The following DLC1 variants were observed in gnomAD, a reference collection of about 807,000 sequenced individuals.
DLC1 encodes the protein rho GTPase-activating protein 7.
DLC1 carries 54 observed loss-of-function variants against 140.3 expected under a neutral mutation model. That is an observed-to-expected ratio of 0.38 (90% confidence interval 0.31 to 0.48). The LOEUF (loss-of-function observed/expected upper bound fraction) is 0.48. DLC1 is among the 20% of genes least tolerant of loss of function. The pLI is 0.96. For missense variants in DLC1, 2,536 were observed against 1,907.0 expected (o/e 1.33, Z -6.14); for synonymous variants, 986 against 728.1 (o/e 1.35, Z -5.70).
Position 13,188,113 on chromosome 8 carries a change from T to C in DLC1, c.1349-72456A>G, listed in dbSNP as rs184402563. On this transcript the variant is annotated intron_variant, in intron 5 of 17. Transcript: ENST00000276297. ...TTTTTTTTTTTTTGAGACAGAGTCT[T>C]GCTCTTGTTGCGCAGGCTGGAGTGC... Among the ~76,000 whole-genome samples the C allele has an allele frequency of 5.5e-3, 775 of 140,714 alleles. 13 individuals carry two copies. Among genetic ancestry groups the C allele is most frequent in the African/African-American group, 0.019 (721 of 37,174 alleles). The allele number at this position is 140,714 out of a possible 152,430, so 92.3% of individuals were successfully genotyped here.
intron 5 of DLC1, among the ~76,000 whole-genome samples, chr8:13,283,548 C>G (rs1234819954): frequency 6.6e-6 from 1 of 152,112 alleles, no homozygotes; most frequent in African/African-American, 2.4e-5. Context: ...CAAGATCTCA[C>G]TCTGTTGCCC....
In DLC1 at chr8:13,100,034, C is replaced by G; in HGVS notation, c.2303G>C (p.Cys768Ser). 4.3e-6 allele frequency: 7 copies of G among 1,613,010 alleles called. No individual in the cohort carries two copies. Among genetic ancestry groups the G allele is most frequent in the Non-Finnish European group, 5.9e-6 (7 of 1,180,038 alleles). ...TAAGTACATGCCCACCCGCTTGTTG[C>G]ACGCACTGAGGCTCCGGGTCCTCGT... The part of the protein sequence containing the change: ...PVTRTRSLSA[C>S]NKRVGMYLEG... Residue 768 changes from cysteine (C) to serine (S), a missense_variant, in exon 9 of 18, where the codon TGC becomes TCC. Transcript: ENST00000276297.
At chr8:13,108,827 A>T (rs1292858103) in intron 7 of DLC1, among the ~76,000 whole-genome samples, 1 of 152,238 alleles carries the variant, frequency 6.6e-6, no homozygotes, top group Non-Finnish European at 1.5e-5. Flanking sequence ...AAACATTAAA[A>T]AAATGTCTGG....
At chr8:13,453,189 A>G (rs1456207334) in intron 2 of DLC1, among the ~76,000 whole-genome samples, 1 of 149,588 alleles carries the variant, frequency 6.7e-6, no homozygotes, top group Non-Finnish European at 1.5e-5. Flanking sequence ...AAATTCTAAA[A>G]ATATATATTT....
chr8:13,480,818 C>T (rs7387752), intron 2 of DLC1, among the ~76,000 whole-genome samples: 108,063 of 151,996 alleles, frequency 0.71, 40,811 homozygotes, highest in Middle Eastern at 0.87. Flanking sequence ...GCAGGAGAAT[C>T]GCTTGAGCTT....
At position 13,575,441 on chromosome 8, in the gene DLC1, G is replaced by A. The variant is rs527992084; in HGVS notation, c.-126+29096C>T. On this transcript the variant is annotated intron_variant, in intron 1 of 1. Coordinates refer to the DLC1 transcript ENST00000631382. ...GGCTTTTATTATAATTAGGGGGTGG[G>A]GCCGAGGGGAGGATTCCCACATCTG... Among the ~76,000 whole-genome samples the A allele has an allele frequency of 2.0e-5, 3 of 152,092 alleles. No homozygotes were observed. In the South Asian group the frequency reaches 6.2e-4, roughly 32 times the overall value.
At chr8:13,198,456 A>G (rs1361680086) in intron 5 of DLC1, among the ~76,000 whole-genome samples, 2 of 152,210 alleles carry the variant, frequency 1.3e-5, no homozygotes, top group African/African-American at 2.4e-5. Flanking sequence ...TTCCCGAGTG[A>G]AAGAATGTTT....
intron 2 of DLC1, among the ~76,000 whole-genome samples, chr8:13,416,294 G>T (rs1157223604): frequency 6.6e-6 from 1 of 152,110 alleles, no homozygotes; most frequent in African/African-American, 2.4e-5. Context: ...TGAGTTAAAA[G>T]TATCACCAAT....
intron 1 of DLC1, among the ~76,000 whole-genome samples, chr8:13,513,141 C>T (rs1585230660): frequency 6.6e-6 from 1 of 151,996 alleles, no homozygotes; most frequent in East Asian, 1.9e-4. Flanking sequence ...GTCCTCTCTT[C>T]TATTAGCTAG....
At chr8:13,383,094 T>C (rs1376393928) in intron 4 of DLC1, among the ~76,000 whole-genome samples, 2 of 152,056 alleles carry the variant, frequency 1.3e-5, no homozygotes, top group Non-Finnish European at 2.9e-5. Context: ...AGATGAGAAA[T>C]CATCTCACTT....
At chr8:13,158,021 C>T (rs1200961359) in intron 5 of DLC1, among the ~76,000 whole-genome samples, 1 of 152,204 alleles carries the variant, frequency 6.6e-6, no homozygotes, top group Non-Finnish European at 1.5e-5. Context: ...GGAACTTGTG[C>T]ATACAAACCA....
intron 5 of DLC1, among the ~76,000 whole-genome samples, chr8:13,216,744 T>C (rs1011567338): frequency 1.3e-5 from 2 of 152,164 alleles, no homozygotes; most frequent in Non-Finnish European, 2.9e-5. Context: ...TCCTGTGCAT[T>C]ATAGGACATT....
Position 13,100,787 on chromosome 8 carries a change from G to T in DLC1, c.1567-17C>A. On this transcript the variant is annotated splice_polypyrimidine_tract_variant and intron_variant, in intron 8 of 17. Transcript: ENST00000276297. ...ATCGTCACTCTGCAAAGACAGAAAGGAGCCATTCACACACTGGGGCTGGCA... is the reference window on the plus strand; with the variant it reads ...ATCGTCACTCTGCAAAGACAGAAAGTAGCCATTCACACACTGGGGCTGGCA... 6.5e-7 allele frequency: 1 copy of T among 1,543,598 alleles called. No individual in the cohort carries two copies. Among genetic ancestry groups the T allele is most frequent in the South Asian group, 1.3e-5 (1 of 78,450 alleles).
chr8:13,088,980 C>T (rs987714001), intron 15 of DLC1, among the ~76,000 whole-genome samples: 5 of 152,016 alleles, frequency 3.3e-5, no homozygotes, highest in African/African-American at 4.8e-5. Flanking sequence ...ACATTTGAGC[C>T]GGGTGCAGTG....
chr8:13,512,479 C>T (rs1168236342), intron 1 of DLC1, among the ~76,000 whole-genome samples: 1 of 152,106 alleles, frequency 6.6e-6, no homozygotes, highest in Non-Finnish European at 1.5e-5. Context: ...AATTAAATGA[C>T]TTTGTAGAAG....
intron 1 of DLC1, among the ~76,000 whole-genome samples, chr8:13,534,377 C>A (rs781693302): frequency 6.6e-6 from 1 of 152,118 alleles, no homozygotes; most frequent in Non-Finnish European, 1.5e-5. Flanking sequence ...TACACACACA[C>A]CCCTCGCTAA....
intron 4 of DLC1, among the ~76,000 whole-genome samples, chr8:13,309,638 T>G (rs1048271366): frequency 1.3e-5 from 2 of 152,286 alleles, no homozygotes; most frequent in South Asian, 2.1e-4. Context: ...GAAATGCTGA[T>G]TTTGACATGC....
intron 4 of DLC1, among the ~76,000 whole-genome samples, chr8:13,307,081 C>CAAA (rs34372620): frequency 8.0e-4 from 56 of 70,152 alleles, no homozygotes; most frequent in South Asian, 4.5e-3. Flanking sequence ...GAGACTCTGT[C>CAAA]AAAAAAAAAA....
chr8:13,121,515 C>T (rs2128955529), intron 5 of DLC1, among the ~76,000 whole-genome samples: 1 of 152,182 alleles, frequency 6.6e-6, no homozygotes, highest in South Asian at 2.1e-4. Context: ...GACTCCCAGC[C>T]CTGGATGTAG....
Sources: allele counts gnomAD v4.1 joint callset (sites outside exome capture counted in the v4.1 genomes callset), GRCh38; gene constraint gnomAD v4.1.1; transcripts MANE v1.5; gene names NCBI Gene and HGNC (gene_info 2026-07-23, HGNC 2026-07-21).